Variants in APBA2 observed in about 807,000 individuals in gnomAD.
APBA2 encodes the protein amyloid-beta A4 precursor protein-binding family A member 2.
A neutral mutation model predicts 75.0 loss-of-function variants in APBA2; 30 were observed. That is an observed-to-expected ratio of 0.40 (90% CI 0.30 to 0.54). APBA2 has a LOEUF of 0.54. APBA2 is among the 20% of genes least tolerant of loss of function. The probability of loss-of-function intolerance (pLI) is 0.49; values close to 1 mark genes in which losing one functional copy is unlikely to be tolerated. For synonymous variants in APBA2, 444 were observed against 409.6 expected (o/e 1.08, Z -1.01); for missense variants, 801 against 1,016.1 (o/e 0.79, Z 2.88).
chr15:29,030,579 G>T (rs1174070862), intron 3 of APBA2, among the ~76,000 whole-genome samples: 1 of 152,196 alleles, frequency 6.6e-6, no homozygotes, highest in Non-Finnish European at 1.5e-5. Context: ...GGGAGGCAAT[G>T]AATTGATAAC....
At chr15:28,899,699 G>A (rs901518765) in intron 1 of APBA2, among the ~76,000 whole-genome samples, 17 of 152,176 alleles carry the variant, frequency 1.1e-4, no homozygotes, top group Admixed American at 8.5e-4. Context: ...TGGCATTCCT[G>A]CAAGCGTGCT....
At chr15:29,001,733 C>T (rs2038858815) in intron 3 of APBA2, among the ~76,000 whole-genome samples, 1 of 152,186 alleles carries the variant, frequency 6.6e-6, no homozygotes, top group Non-Finnish European at 1.5e-5. Flanking sequence ...AAATTGGAAG[C>T]TCCTGCTCTG....
intron 8 of APBA2, among the ~76,000 whole-genome samples, chr15:29,096,450 C>CTTTTTAT (rs2043855192): frequency 6.6e-6 from 1 of 152,234 alleles, no homozygotes; most frequent in African/African-American, 2.4e-5. Flanking sequence ...GCTTGACCTA[C>CTTTTTAT]TTTTTAGCAA....
intron 2 of APBA2, among the ~76,000 whole-genome samples, chr15:28,962,407 TA>T (rs1027376403): frequency 2.0e-5 from 3 of 151,620 alleles, no homozygotes; most frequent in African/African-American, 7.3e-5. Context: ...CCATCTCTAC[TA>T]AAAATACAAA....
intron 6 of APBA2, among the ~76,000 whole-genome samples, chr15:29,091,750 T>C (rs974964130): frequency 6.6e-6 from 1 of 152,132 alleles, no homozygotes; most frequent in Non-Finnish European, 1.5e-5. Flanking sequence ...CTGGGCCAGT[T>C]GATGATTTTA....
chr15:28,945,928 G>A (rs1052377702), intron 2 of APBA2, among the ~76,000 whole-genome samples: 1 of 152,236 alleles, frequency 6.6e-6, no homozygotes, highest in African/African-American at 2.4e-5. Flanking sequence ...TGGGCCGACA[G>A]TGTATGAGGG....
chr15:29,076,645 T>A (rs894306930), intron 6 of APBA2, among the ~76,000 whole-genome samples: 9 of 152,232 alleles, frequency 5.9e-5, no homozygotes, highest in South Asian at 2.1e-4. Context: ...CTGTAGGAGA[T>A]CCACTGGGTT....
intron 4 of APBA2, among the ~76,000 whole-genome samples, chr15:29,064,098 G>C (rs2042270956): frequency 1.3e-5 from 2 of 152,140 alleles, no homozygotes; most frequent in African/African-American, 4.8e-5. Context: ...ACAGCCCCAA[G>C]GGCTGCCCTG....
At chr15:28,939,663 A>ATCTCT (rs1405940028) in intron 2 of APBA2, among the ~76,000 whole-genome samples, 1 of 152,152 alleles carries the variant, frequency 6.6e-6, no homozygotes, top group Admixed American at 6.5e-5. Context: ...ATGTAGTGTG[A>ATCTCT]TCTCACCTTG....
At chr15:28,984,193 A>G (rs2037775587) in intron 2 of APBA2, among the ~76,000 whole-genome samples, 1 of 151,916 alleles carries the variant, frequency 6.6e-6, no homozygotes, top group Non-Finnish European at 1.5e-5. Context: ...CAAGCTCTCG[A>G]GGCGTTATTA....
chr15:28,909,730 A>G (rs978900104), intron 1 of APBA2, among the ~76,000 whole-genome samples: 15 of 152,234 alleles, frequency 9.9e-5, no homozygotes, highest in Non-Finnish European at 1.5e-4. Context: ...CAGCAGCAAC[A>G]TGCCACGTTA....
chr15:29,002,759 T>G (rs539720569), intron 3 of APBA2, among the ~76,000 whole-genome samples: 1 of 152,140 alleles, frequency 6.6e-6, no homozygotes, highest in South Asian at 2.1e-4. Context: ...GCCCCTGACC[T>G]TCAGTTCGAG....
chr15:29,039,277 A>G (rs368445639), intron 3 of APBA2, among the ~76,000 whole-genome samples: 214 of 152,168 alleles, frequency 1.4e-3, no homozygotes, highest in African/African-American at 4.9e-3. Flanking sequence ...GTATCTTATT[A>G]CCACAAAGAC....
chr15:28,945,507 A>G (rs578155653), intron 2 of APBA2, among the ~76,000 whole-genome samples: 87 of 143,992 alleles, frequency 6.0e-4, no homozygotes, highest in African/African-American at 2.3e-3. Context: ...GAAAATCAGG[A>G]TCCCCGCTCA....
intron 4 of APBA2, among the ~76,000 whole-genome samples, chr15:29,067,209 C>T (rs1248649686): frequency 6.6e-6 from 1 of 152,192 alleles, no homozygotes; most frequent in East Asian, 1.9e-4. Flanking sequence ...GCCCCACTTC[C>T]AGCATTGGGG....
chr15:29,092,609 C>T lies in APBA2; in HGVS notation c.1070-466C>T, dbSNP rs190065359. On this transcript the variant is annotated intron_variant, in intron 6 of 14. Transcript: ENST00000683413. ...GGTGTGATGGGTGTGAGGAGCTACA[C>T]GGGTGTCCTGAGAGGCTACAGACAG... Among the ~76,000 whole-genome samples the T allele has an allele frequency of 3.4e-4, 51 of 152,160 alleles. No homozygotes were observed. The East Asian group carries it at 8.9e-3, about 27-fold the overall frequency.
intron 1 of APBA2, among the ~76,000 whole-genome samples, chr15:28,901,873 C>T (rs530157332): frequency 7.5e-5 from 11 of 146,332 alleles, no homozygotes; most frequent in South Asian, 2.2e-4. Flanking sequence ...AAACCAGCAT[C>T]GGGAAGCCTG....
chr15:28,946,229 G>A (rs1313151237), intron 2 of APBA2, among the ~76,000 whole-genome samples: 1 of 152,214 alleles, frequency 6.6e-6, no homozygotes, highest in Non-Finnish European at 1.5e-5. Flanking sequence ...TACTTTATGT[G>A]ACAGAAAGGA....
chr15:28,911,335 C>G (rs2033417311), intron 1 of APBA2, among the ~76,000 whole-genome samples: 1 of 152,148 alleles, frequency 6.6e-6, no homozygotes, highest in Non-Finnish European at 1.5e-5. Flanking sequence ...GAAAACTCGG[C>G]TACCAACCCT....
Sources: allele counts gnomAD v4.1 joint callset (sites outside exome capture counted in the v4.1 genomes callset), GRCh38; gene constraint gnomAD v4.1.1; transcripts MANE v1.5; gene names NCBI Gene and HGNC (gene_info 2026-07-23, HGNC 2026-07-21).